The following KCNN2 variants were observed in gnomAD, a reference collection of about 807,000 sequenced individuals.
KCNN2 encodes the protein small conductance calcium-activated potassium channel protein 2.
Under a neutral mutation model 55.5 loss-of-function variants are expected in KCNN2, and 24 were observed. The ratio of observed to expected loss-of-function variants is 0.43; its 90% CI spans 0.31 to 0.61. The LOEUF (loss-of-function observed/expected upper bound fraction) is 0.61, where lower values mean the gene tolerates loss of function less well. KCNN2 is among the 20% of genes least tolerant of loss of function. The pLI is 0.08. For synonymous variants in KCNN2, 431 were observed against 336.1 expected (o/e 1.28, Z -3.09); for missense variants, 754 against 853.6 (o/e 0.88, Z 1.45).
At chr5:114,189,599 C>G (rs1753409953) in intron 1 of KCNN2, among the ~76,000 whole-genome samples, 1 of 152,152 alleles carries the variant, frequency 6.6e-6, no homozygotes, top group African/African-American at 2.4e-5. Context: ...ATCAGAAAAA[C>G]TAACTCGTAT....
intron 2 of KCNN2, among the ~76,000 whole-genome samples, chr5:114,284,973 A>G (rs1755706166): frequency 1.3e-5 from 2 of 151,710 alleles, no homozygotes; most frequent in Non-Finnish European, 1.5e-5. Context: ...GGATTTTGTT[A>G]TGGTACCTTG....
chr5:114,222,547 C>T (rs1229693682), intron 2 of KCNN2, among the ~76,000 whole-genome samples: 2 of 152,162 alleles, frequency 1.3e-5, no homozygotes, highest in Non-Finnish European at 2.9e-5. Flanking sequence ...TTTCATGTAT[C>T]TCAGTGTGCA....
chr5:114,471,711 T>A lies in KCNN2; in HGVS notation c.1780-1343T>A, dbSNP rs537409957. Among the ~76,000 whole-genome samples the A allele has an allele frequency of 4.6e-5, 7 of 152,340 alleles. No homozygotes were observed. In the South Asian group the frequency reaches 8.3e-4, roughly 18 times the overall value. On this transcript the variant is annotated intron_variant, in intron 4 of 7. Coordinates refer to ENST00000673685, the MANE Select transcript of KCNN2 (RefSeq NM_021614.4). Reference sequence around the variant, plus strand: ...TCTGATCATGTGATCAGTAGCACTTTCTTTCTGAGGATACTGATTTCTTCA... The same window carrying A: ...TCTGATCATGTGATCAGTAGCACTTACTTTCTGAGGATACTGATTTCTTCA...
intron 2 of KCNN2, among the ~76,000 whole-genome samples, chr5:114,250,700 G>T (rs1345192619): frequency 6.6e-6 from 1 of 152,188 alleles, no homozygotes; most frequent in East Asian, 1.9e-4. Context: ...AAGAGTCTGT[G>T]AAATGCACAA....
intron 1 of KCNN2, among the ~76,000 whole-genome samples, chr5:114,103,259 C>A (rs1289887267): frequency 6.6e-6 from 1 of 152,030 alleles, no homozygotes; most frequent in African/African-American, 2.4e-5. Context: ...TATAGGAATG[C>A]TTGTGATTTT....
At chr5:114,464,257 G>T (rs1181544226) in intron 4 of KCNN2, among the ~76,000 whole-genome samples, 1 of 152,196 alleles carries the variant, frequency 6.6e-6, no homozygotes, top group Non-Finnish European at 1.5e-5. Flanking sequence ...GTTTCAAATT[G>T]TTGATGCACA....
At chr5:114,390,360 A>G (rs896903212) in intron 2 of KCNN2, among the ~76,000 whole-genome samples, 3 of 152,164 alleles carry the variant, frequency 2.0e-5, no homozygotes, top group Non-Finnish European at 4.4e-5. Context: ...CCATGGAGGA[A>G]CTTTGAATTT....
At chr5:114,487,205 G>A in intron 6 of KCNN2, 28 bp downstream of exon 6, 1 of 1,606,016 alleles carries the variant, frequency 6.2e-7, no homozygotes. Flanking sequence ...TTTTTATCCT[G>A]TTGTTGTGTC....
chr5:114,088,489 G>A (rs1443434205), intron 1 of KCNN2, among the ~76,000 whole-genome samples: 2 of 150,092 alleles, frequency 1.3e-5, no homozygotes, highest in South Asian at 4.2e-4. Flanking sequence ...TTTTTTTCCT[G>A]CTTTTTTGTT....
chr5:114,326,900 G>A (rs1475260390), intron 2 of KCNN2, among the ~76,000 whole-genome samples: 1 of 152,096 alleles, frequency 6.6e-6, no homozygotes, highest in Non-Finnish European at 1.5e-5. Flanking sequence ...ACTTGGAATA[G>A]AGAAGATACT....
intron 1 of KCNN2, among the ~76,000 whole-genome samples, chr5:114,168,632 T>G (rs1752967889): frequency 6.6e-6 from 1 of 152,118 alleles, no homozygotes; most frequent in Non-Finnish European, 1.5e-5. Context: ...GATATTTTAC[T>G]GGCTAAGCTC....
chr5:114,225,175 A>G (rs1168266233), intron 2 of KCNN2, among the ~76,000 whole-genome samples: 1 of 152,226 alleles, frequency 6.6e-6, no homozygotes, highest in East Asian at 1.9e-4. Context: ...TGAAGAATGT[A>G]GGTAACTTTG....
chr5:114,374,177 A>G (rs1757865545), intron 2 of KCNN2, among the ~76,000 whole-genome samples: 1 of 152,140 alleles, frequency 6.6e-6, no homozygotes, highest in East Asian at 1.9e-4. Context: ...ATGTTACATT[A>G]ACTCCTTCAG....
intron 2 of KCNN2, among the ~76,000 whole-genome samples, chr5:114,343,014 T>C (rs578233831): frequency 2.6e-5 from 4 of 152,364 alleles, no homozygotes; most frequent in African/African-American, 7.2e-5. Flanking sequence ...ATATGTTTTT[T>C]TGAGCTCTTA....
intron 6 of KCNN2, 51 bp downstream of exon 6, chr5:114,487,228 T>A (rs781437284): frequency 6.5e-7 from 1 of 1,540,924 alleles, no homozygotes; most frequent in Non-Finnish European, 8.9e-7. Flanking sequence ...TGGCTTTCAA[T>A]TTTTGCACTT....
chr5:114,060,689 CTATT>C (rs1332756734), intron 1 of KCNN2, among the ~76,000 whole-genome samples: 2 of 152,148 alleles, frequency 1.3e-5, no homozygotes, highest in African/African-American at 2.4e-5. Flanking sequence ...CTCTTAGAGA[CTATT>C]TATTTATCTG....
chr5:114,065,847 T>G (rs1002932844), intron 1 of KCNN2, among the ~76,000 whole-genome samples: 5 of 1,428 alleles, frequency 3.5e-3, no homozygotes, highest in Admixed American at 0.019. Context: ...CCTATGCAGG[T>G]TTTTTTTTTT....
chr5:114,057,599 A>G (rs1466952645), intron 1 of KCNN2, among the ~76,000 whole-genome samples: 3 of 152,200 alleles, frequency 2.0e-5, no homozygotes, highest in East Asian at 1.9e-4. Context: ...GTTGAGGGAG[A>G]CAGACTATGT....
chr5:114,363,051 A>G lies in KCNN2; in HGVS notation c.912A>G (p.Gly304=), dbSNP rs1399870715. The G allele has an allele frequency of 9.3e-6, 15 of 1,607,276 alleles. No individual in the cohort carries two copies. Among genetic ancestry groups the G allele is most frequent in the Non-Finnish European group, 1.2e-5 (14 of 1,178,550 alleles). Residue 304 remains glycine, a synonymous_variant, in exon 1 of 8, where the codon GGA becomes GGG. Transcript: ENST00000673685. Reference sequence around the variant, plus strand: ...CCGGCGGCGGAGGCAGCACTGGAGGAGGCGGCGGCGGTGGCGGGAGCGGGC... The same window carrying G: ...CCGGCGGCGGAGGCAGCACTGGAGGGGGCGGCGGCGGTGGCGGGAGCGGGC... ...YGTGGGGSTG[G]GGGGGGSGHG... is the part of the protein sequence containing the mutation.
Sources: allele counts gnomAD v4.1 joint callset (sites outside exome capture counted in the v4.1 genomes callset), GRCh38; gene constraint gnomAD v4.1.1; transcripts MANE v1.5; gene names NCBI Gene and HGNC (gene_info 2026-07-23, HGNC 2026-07-21).